The following NXPH1 variants were observed in gnomAD, a reference collection of about 807,000 sequenced individuals.
The protein encoded by NXPH1 is neurexophilin 1.
In NXPH1, 5 loss-of-function variants were observed where a neutral mutation model predicts 23.7. That is an observed-to-expected ratio of 0.21 (90% CI 0.11 to 0.44). NXPH1 has a LOEUF of 0.44. NXPH1 is among the 20% of genes least tolerant of loss of function. The pLI, the probability that NXPH1 is intolerant of heterozygous loss-of-function variation, is 0.99. For missense variants in NXPH1, 324 were observed against 321.6 expected, an observed-to-expected ratio of 1.01 and a Z score of -0.06; for synonymous variants, 144 against 122.2, an observed-to-expected ratio of 1.18 and a Z score of -1.18.
chr7:8,576,745 A>C (rs772449226), intron 2 of NXPH1, among the ~76,000 whole-genome samples: 1 of 152,100 alleles, frequency 6.6e-6, no homozygotes, highest in Admixed American at 6.5e-5. Flanking sequence ...TGATAGGATA[A>C]GTACCATGTT....
chr7:8,704,124 G>C (rs1198193317), intron 2 of NXPH1, among the ~76,000 whole-genome samples: 1 of 152,244 alleles, frequency 6.6e-6, no homozygotes, highest in East Asian at 1.9e-4. Context: ...TAAATTGGCA[G>C]AAATTTGTGA....
chr7:8,517,709 G>A (rs1001984980), intron 2 of NXPH1, among the ~76,000 whole-genome samples: 5 of 152,114 alleles, frequency 3.3e-5, no homozygotes, highest in South Asian at 2.1e-4. Context: ...ATGGTGGAGC[G>A]GAGGTCAGGG....
chr7:8,728,535 G>GT (rs1230923587), intron 2 of NXPH1, among the ~76,000 whole-genome samples: 1 of 152,170 alleles, frequency 6.6e-6, no homozygotes, highest in Admixed American at 6.5e-5. Context: ...TTTATTGAGA[G>GT]TTTTTAGCAT....
intron 2 of NXPH1, among the ~76,000 whole-genome samples, chr7:8,506,141 A>G (rs1344424073): frequency 6.6e-6 from 1 of 152,162 alleles, no homozygotes; most frequent in Non-Finnish European, 1.5e-5. Context: ...TTTATCTATT[A>G]TAAAATTTAC....
chr7:8,727,654 G>A (rs1780079447), intron 2 of NXPH1, among the ~76,000 whole-genome samples: 1 of 152,082 alleles, frequency 6.6e-6, no homozygotes, highest in African/African-American at 2.4e-5. Context: ...TTGTAGATAT[G>A]CGGCATTATT....
At chr7:8,597,943 G>C (rs546265951) in intron 2 of NXPH1, among the ~76,000 whole-genome samples, 1 of 152,132 alleles carries the variant, frequency 6.6e-6, no homozygotes, top group African/African-American at 2.4e-5. Context: ...TTACTGCGGA[G>C]AGTGGTCCTA....
At chr7:8,457,440 C>T (rs905124309) in intron 2 of NXPH1, among the ~76,000 whole-genome samples, 41 of 152,130 alleles carry the variant, frequency 2.7e-4, no homozygotes, top group African/African-American at 9.6e-4. Flanking sequence ...ACAGCTAGGC[C>T]TGGAGGCCCA....
In NXPH1 at chr7:8,435,782, G is replaced by A; in HGVS notation, c.54+15G>A. The A allele has an allele frequency of 1.2e-6, 2 of 1,613,768 alleles. No individual in the cohort carries two copies. Among genetic ancestry groups the A allele is most frequent in the Non-Finnish European group, 1.7e-6 (2 of 1,179,726 alleles). ...CCGTCTACTTGGTAAGTCTTGGAAG[G>A]TTCGGGGCTTTCGCATTTTTACCCC... On this transcript the variant is annotated intron_variant, in intron 2 of 2. Transcript: ENST00000405863. This position sits in a 1 kb window ranked among gnomAD's most constrained non-coding sequence, Gnocchi z 5.9.
chr7:8,618,593 T>A (rs1368889961), intron 2 of NXPH1, among the ~76,000 whole-genome samples: 1 of 152,140 alleles, frequency 6.6e-6, no homozygotes, highest in Admixed American at 6.6e-5. Flanking sequence ...TTTCAGGCAA[T>A]GAGACATTCC....
At position 8,752,051 on chromosome 7, in the gene NXPH1, G is replaced by C. The variant is rs561693836; in HGVS notation, c.*282G>C. ...CAAACACACCGTCATGCACATTTCAGCTTGCGTCTATCATGATTCCTGTTG... is the reference window on the plus strand; with the variant it reads ...CAAACACACCGTCATGCACATTTCACCTTGCGTCTATCATGATTCCTGTTG... On this transcript the variant is annotated 3_prime_UTR_variant, in exon 3 of 3. Coordinates refer to ENST00000405863, the MANE Select transcript of NXPH1 (RefSeq NM_152745.3). The C allele has an allele frequency of 1.9e-4, 61 of 315,964 alleles. No homozygotes were observed. The South Asian group carries it at 3.6e-3, about 19-fold the overall frequency. 19.6% of individuals were successfully genotyped at this position (315,964 alleles called of 1,614,324 possible).
intron 2 of NXPH1, among the ~76,000 whole-genome samples, chr7:8,474,633 T>C (rs1172220625): frequency 6.6e-6 from 1 of 152,142 alleles, no homozygotes; most frequent in East Asian, 1.9e-4. Flanking sequence ...CATTATATTG[T>C]GAGGATCCCT....
At chr7:8,730,649 A>G (rs984791149) in intron 2 of NXPH1, among the ~76,000 whole-genome samples, 1 of 152,130 alleles carries the variant, frequency 6.6e-6, no homozygotes, top group African/African-American at 2.4e-5. Context: ...TCTTTTCTTT[A>G]AGAATGTTGA....
intron 2 of NXPH1, among the ~76,000 whole-genome samples, chr7:8,480,047 A>C (rs571761241): frequency 6.6e-6 from 1 of 152,222 alleles, no homozygotes; most frequent in South Asian, 2.1e-4. Flanking sequence ...ATAAAAAGTG[A>C]TTGCTATAAA....
At chr7:8,639,106 G>A (rs1166815074) in intron 2 of NXPH1, among the ~76,000 whole-genome samples, 1 of 152,126 alleles carries the variant, frequency 6.6e-6, no homozygotes, top group Non-Finnish European at 1.5e-5. Flanking sequence ...TTCTGTCAGT[G>A]CCAAATAAAA....
At chr7:8,646,294 A>G (rs557264055) in intron 2 of NXPH1, among the ~76,000 whole-genome samples, 1 of 152,266 alleles carries the variant, frequency 6.6e-6, no homozygotes, top group African/African-American at 2.4e-5. Context: ...CGTGAGTGGT[A>G]AATACAAGTG....
intron 2 of NXPH1, among the ~76,000 whole-genome samples, chr7:8,506,882 A>G (rs1453651181): frequency 3.9e-5 from 6 of 151,988 alleles, no homozygotes; most frequent in Admixed American, 2.0e-4. Flanking sequence ...CAGGCACCAG[A>G]CCCTGCATGC....
At chr7:8,699,202 A>C (rs534762314) in intron 2 of NXPH1, among the ~76,000 whole-genome samples, 64 of 152,216 alleles carry the variant, frequency 4.2e-4, no homozygotes, top group Non-Finnish European at 7.4e-4. Context: ...TTCATTTTAA[A>C]CGTGAAAACA....
At chr7:8,563,791 C>T (rs777127061) in intron 2 of NXPH1, among the ~76,000 whole-genome samples, 6 of 151,740 alleles carry the variant, frequency 4.0e-5, no homozygotes, top group Non-Finnish European at 7.4e-5. Context: ...TAATAATGCA[C>T]GCAGAAATTC....
intron 2 of NXPH1, among the ~76,000 whole-genome samples, chr7:8,695,114 T>C (rs1821285969): frequency 1.3e-5 from 2 of 152,210 alleles, no homozygotes; most frequent in African/African-American, 4.8e-5. Flanking sequence ...TTATTCCAAA[T>C]TTTCTTCTAT....
Sources: gnomAD v4.1 joint callset for allele counts (sites outside exome capture counted in the v4.1 genomes callset) on GRCh38, gnomAD v4.1.1 for gene constraint, Gnocchi (gnomAD v3.1) non-coding constraint, MANE v1.5 for transcripts, NCBI Gene and HGNC (gene_info 2026-07-23, HGNC 2026-07-21) for gene names.